PARPBP: variants seen among roughly 807,000 people sequenced by gnomAD.
The protein encoded by PARPBP is PARP1 binding protein.
Under a neutral mutation model 50.0 loss-of-function variants are expected in PARPBP, and 52 were observed. The ratio of observed to expected loss-of-function variants is 1.04; its 90% CI spans 0.83 to 1.31. PARPBP has a LOEUF of 1.31. Ranked by LOEUF, PARPBP falls within the 50% of genes most tolerant of loss-of-function variation. PARPBP has a pLI of 0.00. For synonymous variants in PARPBP, 244 were observed against 232.1 expected (o/e 1.05, Z -0.47); for missense variants, 697 against 672.0 (o/e 1.04, Z -0.41).
intron 2 of PARPBP, among the ~76,000 whole-genome samples, chr12:102,125,214 ACTT>A (rs1002901013): frequency 1.1e-4 from 17 of 152,220 alleles, no homozygotes; most frequent in Admixed American, 2.6e-4. Flanking sequence ...GAAAGAAGTC[ACTT>A]CTTATGGAGT....
rs926174055 is a variant in PARPBP at position 102,164,203 on chromosome 12, C to T, written c.496-235C>T. On this transcript the variant is annotated intron_variant, in intron 4 of 10. Transcript: ENST00000327680. ...AGTCTTCCTTTGCTGCTTTTTTTAG[C>T]TGGATTTTTGTAGGTCTCCCCTCTG... is the stretch of plus-strand genomic sequence containing the variant. Among the ~76,000 whole-genome samples, 3 of 152,038 alleles carry T rather than the reference C, an allele frequency of 2.0e-5. No homozygotes were observed. The East Asian group carries it at 5.8e-4, about 29-fold the overall frequency.
At chr12:102,166,923 A>T (rs1288030961) in intron 6 of PARPBP, among the ~76,000 whole-genome samples, 2 of 152,192 alleles carry the variant, frequency 1.3e-5, no homozygotes, top group African/African-American at 4.8e-5. Context: ...CAGATAATAT[A>T]TTGGGGAGCC....
chr12:102,168,490 T>C (rs947760773), intron 6 of PARPBP, among the ~76,000 whole-genome samples: 7 of 152,170 alleles, frequency 4.6e-5, no homozygotes, highest in African/African-American at 1.7e-4. Flanking sequence ...GTTATCTTTT[T>C]TGTGTTGATT....
At chr12:102,151,572 G>A (rs1373760521) in intron 3 of PARPBP, 10 of 1,535,114 alleles carry the variant, frequency 6.5e-6, no homozygotes, top group Non-Finnish European at 8.7e-6. Context: ...CCTGGCAGGG[G>A]TCAACTATAC....
chr12:102,149,360 G>C (rs1030851281), intron 3 of PARPBP, among the ~76,000 whole-genome samples: 4 of 152,078 alleles, frequency 2.6e-5, no homozygotes, highest in African/African-American at 9.7e-5. Flanking sequence ...TGATATGATA[G>C]CTCCATGGTT....
At chr12:102,180,453 G>A (rs577968655) in intron 8 of PARPBP, among the ~76,000 whole-genome samples, 14 of 152,116 alleles carry the variant, frequency 9.2e-5, no homozygotes, top group African/African-American at 2.4e-4. Context: ...TAATAATCCC[G>A]GAGCTTTAGG....
chr12:102,125,280 CATA>C (rs1171704353), intron 2 of PARPBP, among the ~76,000 whole-genome samples: 1 of 152,000 alleles, frequency 6.6e-6, no homozygotes, highest in Non-Finnish European at 1.5e-5. Flanking sequence ...TCTTTTAGGA[CATA>C]ATAAATGCTA....
rs181961045 is a variant in PARPBP at position 102,155,642 on chromosome 12, G to A, written c.495+1666G>A. Among the ~76,000 whole-genome samples, 675 of 149,296 alleles carry A rather than the reference G, an allele frequency of 4.5e-3. 7 individuals are homozygous for A. The highest frequency in any genetic ancestry group is 0.016 in the African/African-American group (650 of 40,510). Reference sequence around the variant, plus strand: ...GATTGGAATATAAACCCAGGCATTCGAGCAGGAACTTCAACACCCTTTGGG... The same window carrying A: ...GATTGGAATATAAACCCAGGCATTCAAGCAGGAACTTCAACACCCTTTGGG... On this transcript the variant is annotated intron_variant, in intron 4 of 10. Coordinates refer to ENST00000327680, the MANE Select transcript of PARPBP (RefSeq NM_017915.5).
intron 6 of PARPBP, among the ~76,000 whole-genome samples, chr12:102,170,137 T>C (rs1888544851): frequency 6.6e-6 from 1 of 152,224 alleles, no homozygotes. Flanking sequence ...CATAGTGTAC[T>C]TTCACCTGAA....
rs1478222528 is a variant in PARPBP at position 102,190,259 on chromosome 12, G to A, written c.1264-5053G>A. 2.6e-5 allele frequency among the ~76,000 whole-genome samples: 4 copies of A among 152,014 alleles called. 1 individual carries two copies. Among genetic ancestry groups the A allele is most frequent in the South Asian group, 2.1e-4 (1 of 4,810 alleles). ...CTCACAGCTCTGCTTGCATATACTT[G>A]TTATAGTCTGTTGTAATTTTACTTC... On this transcript the variant is annotated intron_variant, in intron 9 of 10. Transcript: ENST00000327680.
chr12:102,187,348 CT>C (rs1161110410), intron 9 of PARPBP, among the ~76,000 whole-genome samples: 1 of 151,790 alleles, frequency 6.6e-6, no homozygotes, highest in Admixed American at 6.6e-5. Context: ...GTGTGCATTC[CT>C]TTTTTTTCTT....
At chr12:102,138,723 A>G (rs1202185422) in intron 2 of PARPBP, among the ~76,000 whole-genome samples, 1 of 152,186 alleles carries the variant, frequency 6.6e-6, no homozygotes, top group South Asian at 2.1e-4. Context: ...CAGTTTTCCC[A>G]GCACCATTTA....
chr12:102,171,549 T>C (rs911823658), intron 6 of PARPBP, among the ~76,000 whole-genome samples: 5 of 152,124 alleles, frequency 3.3e-5, no homozygotes, highest in African/African-American at 1.2e-4. Flanking sequence ...TCTAATCTCC[T>C]AATGTTAAAG....
At chr12:102,120,553 C>T in intron 1 of PARPBP, 2 of 454,680 alleles carry the variant, frequency 4.4e-6, no homozygotes, top group South Asian at 3.1e-5. Context: ...GCTTAACTTC[C>T]ATTAGTTAGG....
Position 102,196,366 on chromosome 12 carries a change from CAAGGTGTA to C in PARPBP, c.*78_*85del. 1.0e-6 allele frequency: 1 copy of C among 970,868 alleles called. No homozygotes were observed. The highest frequency in any genetic ancestry group is 1.6e-6 in the Non-Finnish European group (1 of 644,640). 60.1% of individuals were successfully genotyped at this position (970,868 alleles called of 1,614,324 possible). Reference sequence around the variant, plus strand: ...AAGACATGCTTAATTTTTAAGAGATCAAGGTGTAAATTATGATGATTTATTATTTTGGT... The same window carrying C: ...AAGACATGCTTAATTTTTAAGAGATCAATTATGATGATTTATTATTTTGGT... On this transcript the variant is annotated 3_prime_UTR_variant, in exon 11 of 11. Transcript: ENST00000327680.
chr12:102,162,515 T>G (rs1887704749), intron 4 of PARPBP, among the ~76,000 whole-genome samples: 1 of 152,020 alleles, frequency 6.6e-6, no homozygotes, highest in South Asian at 2.1e-4. Context: ...AGGAAGAAAA[T>G]TCCATGCAAG....
At chr12:102,181,152 C>T (rs984654440) in intron 8 of PARPBP, among the ~76,000 whole-genome samples, 16 of 152,108 alleles carry the variant, frequency 1.1e-4, no homozygotes, top group Admixed American at 8.5e-4. Flanking sequence ...ATATTCTTTA[C>T]TTAGACTTCA....
rs1880766375 is a variant in PARPBP at position 102,120,228 on chromosome 12, T to G, written c.-62T>G. On this transcript the variant is annotated 5_prime_UTR_variant, in exon 1 of 11. Coordinates refer to ENST00000327680, the MANE Select transcript of PARPBP (RefSeq NM_017915.5). ...CGACTGCGGCGGCCGCGGGAGGGCA[T>G]CCCGTTGGGGATCCTTCCGCACACT... The G allele has an allele frequency of 4.5e-6, 1 of 223,368 alleles. No homozygotes were observed. Among genetic ancestry groups the G allele is most frequent in the Non-Finnish European group, 9.6e-6 (1 of 104,514 alleles). 13.8% of individuals were successfully genotyped at this position (223,368 alleles called of 1,614,324 possible).
chr12:102,146,733 A>C (rs1317796438), intron 2 of PARPBP, among the ~76,000 whole-genome samples: 2 of 152,006 alleles, frequency 1.3e-5, no homozygotes, highest in Non-Finnish European at 2.9e-5. Flanking sequence ...TAATTAAACT[A>C]AAGAGCTTCT....
Sources: allele counts gnomAD v4.1 joint callset (sites outside exome capture counted in the v4.1 genomes callset), GRCh38; gene constraint gnomAD v4.1.1; transcripts MANE v1.5; gene names NCBI Gene and HGNC (gene_info 2026-07-23, HGNC 2026-07-21).